SFMBT2: variants seen among roughly 807,000 people sequenced by gnomAD.
SFMBT2 encodes the protein Scm like with four mbt domains 2, also known as scm-like with four MBT domains protein 2.
In SFMBT2, 38 loss-of-function variants were observed where a neutral mutation model predicts 110.1. The observed-to-expected ratio is 0.35, with a 90% CI of 0.27 to 0.45. SFMBT2 has a LOEUF of 0.45. Ranked by LOEUF, SFMBT2 falls within the 20% of genes least tolerant of loss-of-function variation. The pLI, the probability that SFMBT2 is intolerant of heterozygous loss-of-function variation, is 1.00. For missense variants in SFMBT2, 1,011 were observed against 1,094.9 expected (o/e 0.92, Z 1.08); for synonymous variants, 425 against 425.4 (o/e 1.00, Z 0.01).
intron 7 of SFMBT2, among the ~76,000 whole-genome samples, chr10:7,264,364 C>G (rs1356935522): frequency 6.6e-6 from 1 of 152,118 alleles, no homozygotes; most frequent in African/African-American, 2.4e-5. Flanking sequence ...AATCTCGATA[C>G]TTATGTCAAA....
At chr10:7,219,870 G>A (rs1054523662) in intron 11 of SFMBT2, 8 of 183,646 alleles carry the variant, frequency 4.4e-5, no homozygotes, top group Non-Finnish European at 7.2e-5. Flanking sequence ...AGCATTCTGT[G>A]AATTTTCTTG....
chr10:7,385,948 C>T (rs752455550), intron 1 of SFMBT2, among the ~76,000 whole-genome samples: 1 of 151,898 alleles, frequency 6.6e-6, no homozygotes, highest in Non-Finnish European at 1.5e-5. Flanking sequence ...TGCAGTGAGC[C>T]CAGATCGTGC....
At chr10:7,399,705 C>G (rs1282272442) in intron 1 of SFMBT2, among the ~76,000 whole-genome samples, 2 of 152,216 alleles carry the variant, frequency 1.3e-5, no homozygotes, top group Admixed American at 1.3e-4. Flanking sequence ...TGGTAACTAA[C>G]GTCTTATCAG....
intron 9 of SFMBT2, among the ~76,000 whole-genome samples, chr10:7,241,587 G>T (rs1383743569): frequency 2.0e-5 from 3 of 152,072 alleles, no homozygotes; most frequent in Non-Finnish European, 4.4e-5. Flanking sequence ...TAAATATTAT[G>T]TATAAAAAGC....
intron 7 of SFMBT2, among the ~76,000 whole-genome samples, chr10:7,256,958 G>A (rs10905135): frequency 0.45 from 68,905 of 151,638 alleles, 16,600 homozygotes; most frequent in East Asian, 0.84. Flanking sequence ...TGGGCGTGGC[G>A]GTGGGCGCCT....
At chr10:7,305,848 C>T (rs1411870061) in intron 4 of SFMBT2, among the ~76,000 whole-genome samples, 1 of 152,198 alleles carries the variant, frequency 6.6e-6, no homozygotes, top group Non-Finnish European at 1.5e-5. Flanking sequence ...CTTTCCAAAT[C>T]CCTCTTTCCT....
chr10:7,228,435 G>A lies in SFMBT2; in HGVS notation c.1121-498C>T, dbSNP rs1012576034. On this transcript the variant is annotated intron_variant, in intron 9 of 20. Transcript: ENST00000397167. ...ACTTTTTAAAAAGTAACAGAAGGTA[G>A]AGAAGAGGGCAACAAAGAGTAGAGG... 8 of 716,556 alleles carry A rather than the reference G, an allele frequency of 1.1e-5. 1 individual carries two copies. The Admixed American group carries it at 3.2e-4, about 28-fold the overall frequency. 44.4% of individuals were successfully genotyped at this position (716,556 alleles called of 1,614,324 possible).
intron 15 of SFMBT2, among the ~76,000 whole-genome samples, chr10:7,192,855 G>A (rs147789505): frequency 3.9e-5 from 6 of 152,230 alleles, no homozygotes; most frequent in Non-Finnish European, 7.4e-5. Flanking sequence ...CAGGGGTGCC[G>A]CACTACTTCT....
chr10:7,203,198 T>C, intron 12 of SFMBT2: 1 of 817,604 alleles, frequency 1.2e-6, no homozygotes, highest in Non-Finnish European at 1.5e-6. Context: ...CTAAAGCTGC[T>C]AGAGTCTGGC....
intron 7 of SFMBT2, among the ~76,000 whole-genome samples, chr10:7,273,020 C>A (rs1213949685): frequency 6.6e-6 from 1 of 152,170 alleles, no homozygotes; most frequent in Non-Finnish European, 1.5e-5. Context: ...GTCTAGAACT[C>A]CTGACCTCAA....
chr10:7,376,727 CAAAAAAAAAAAA>C (rs35816107), intron 2 of SFMBT2, among the ~76,000 whole-genome samples: 9,274 of 44,774 alleles, frequency 0.21, 1,087 homozygotes, highest in Non-Finnish European at 0.26. Context: ...GGCCCTCCCA[CAAAAAAAAAAAA>C]AAAAAAAAAA....
chr10:7,286,628 G>A (rs958167226), intron 4 of SFMBT2, among the ~76,000 whole-genome samples: 1 of 152,068 alleles, frequency 6.6e-6, no homozygotes, highest in South Asian at 2.1e-4. Flanking sequence ...CTACATTGTA[G>A]TAGGTACTAT....
At position 7,211,703 on chromosome 10, in the gene SFMBT2, TC is replaced by T. The variant is rs752516840; in HGVS notation, c.1331-5776del. 9.5e-4 allele frequency among the ~76,000 whole-genome samples: 144 copies of T among 152,340 alleles called. 2 individuals carry two copies. Among genetic ancestry groups the T allele is most frequent in the Non-Finnish European group, 1.9e-3 (129 of 68,026 alleles). ...CCTAAGGTTTCATAGAGGCCATACT[TC>T]TTCTTTGTAAAGGTTTTAAAACCAC... On this transcript the variant is annotated intron_variant, in intron 11 of 20. Coordinates refer to ENST00000397167, the MANE Select transcript of SFMBT2 (RefSeq NM_001387889.1).
chr10:7,392,466 G>A (rs983184744), intron 1 of SFMBT2, among the ~76,000 whole-genome samples: 2 of 152,010 alleles, frequency 1.3e-5, no homozygotes, highest in African/African-American at 4.8e-5. Flanking sequence ...AGTGAGCTGA[G>A]ATTGCACCAC....
intron 7 of SFMBT2, among the ~76,000 whole-genome samples, chr10:7,261,336 G>A (rs11593712): frequency 0.02 from 3,045 of 152,202 alleles, 45 homozygotes; most frequent in Admixed American, 0.023. Context: ...TTCCAAAAAC[G>A]TCCTCAAGGT....
chr10:7,385,803 T>C (rs1047266151), intron 1 of SFMBT2, among the ~76,000 whole-genome samples: 122 of 152,026 alleles, frequency 8.0e-4, no homozygotes, highest in Non-Finnish European at 1.2e-3. Context: ...ATCAAGACCA[T>C]CCTGGCTAAC....
intron 1 of SFMBT2, among the ~76,000 whole-genome samples, chr10:7,394,497 T>C (rs1845867914): frequency 6.6e-6 from 1 of 151,076 alleles, no homozygotes; most frequent in Non-Finnish European, 1.5e-5. Flanking sequence ...TGCCTACTGG[T>C]CACATGACCC....
intron 7 of SFMBT2, chr10:7,264,329 T>C (rs1398142959): frequency 6.0e-6 from 1 of 166,110 alleles, no homozygotes; most frequent in Non-Finnish European, 1.2e-5. Context: ...GGGTGCCTTT[T>C]ATCCCTTATC....
intron 1 of SFMBT2, among the ~76,000 whole-genome samples, chr10:7,395,698 GCT>G (rs1056854587): frequency 1.0e-4 from 14 of 135,582 alleles, no homozygotes; most frequent in African/African-American, 3.8e-4. Flanking sequence ...ATTTCTAAAA[GCT>G]CTTTTTTTTT....
Sources: allele counts gnomAD v4.1 joint callset (sites outside exome capture counted in the v4.1 genomes callset), GRCh38; gene constraint gnomAD v4.1.1; transcripts MANE v1.5; gene names NCBI Gene and HGNC (gene_info 2026-07-23, HGNC 2026-07-21).